The following CHST6 variants were observed in gnomAD, a reference collection of about 807,000 sequenced individuals.
CHST6 encodes the protein carbohydrate sulfotransferase 6.
For missense variants in CHST6, 698 were observed against 586.2 expected (o/e 1.19, Z -1.97); for synonymous variants, 309 against 276.4 (o/e 1.12, Z -1.17).
rs745571211 is a variant in CHST6, at chr16:75,479,200, G to A, written c.629C>T (p.Ser210Phe). Residue 210 changes from serine to phenylalanine, a missense_variant, in exon 3 of 3, where the codon TCC becomes TTC. Transcript: ENST00000332272. ...CAGAGCCTTGGCTGTCTGCTCCCGG[G>A]AGCGCAGCACGGCCCGCGGGTCGCG... is the stretch of plus-strand genomic sequence containing the variant. ...LVRDPRAVLR[S>F]REQTAKALAR... is the part of the protein sequence containing the mutation. 61 of 1,609,106 alleles carry A rather than the reference G, an allele frequency of 3.8e-5. No individual in the cohort carries two copies. Among genetic ancestry groups the A allele is most frequent in the Non-Finnish European group, 5.0e-5 (59 of 1,179,194 alleles).
rs868114571 is a variant in CHST6 at position 75,478,964 on chromosome 16, C to T, written c.865G>A (p.Ala289Thr). Residue 289 changes from alanine to threonine, a missense_variant, in exon 3 of 3, where the codon GCC becomes ACC. Coordinates refer to ENST00000332272, the MANE Select transcript of CHST6 (RefSeq NM_021615.5). ...EPLAEIRALY[A>T]FTGLSLTPQL... ...GGCGTGAGACTGAGCCCAGTGAAGG[C>T]GTAGAGCGCACGGATTTCTGCCAGC... The T allele has an allele frequency of 2.5e-6, 4 of 1,613,002 alleles. No homozygotes were observed. The highest frequency in any genetic ancestry group is 3.4e-6 in the Non-Finnish European group (4 of 1,179,958).
At chr16:75,485,204 C>A (rs934225791) in intron 1 of CHST6, among the ~76,000 whole-genome samples, 3 of 152,122 alleles carry the variant, frequency 2.0e-5, no homozygotes, top group African/African-American at 7.2e-5. Flanking sequence ...GGAGGAGCAC[C>A]CTAAGCAGTG....
At chr16:75,488,789 A>T (rs569080123) in intron 1 of CHST6, among the ~76,000 whole-genome samples, 3 of 150,786 alleles carry the variant, frequency 2.0e-5, no homozygotes, top group African/African-American at 7.4e-5. Flanking sequence ...TGGGAGGCTG[A>T]GGCAGGAGAA....
rs868016920 is a variant in CHST6, at chr16:75,479,773, G to C, written c.56C>G (p.Thr19Ser). ...TAVTALLLAQTFLLLFLVSRP... is the reference protein window; with the variant it reads ...TAVTALLLAQSFLLLFLVSRP... ...GGAAACCAGAAAGAGGAGGAGGAAG[G>C]TCTGCGCCAGGAGGAGCGCGGTCAC... is the stretch of plus-strand genomic sequence containing the variant. The change falls in exon 3 of 3, where the codon ACC (threonine) becomes AGC (serine). Residue 19 changes from threonine to serine, a missense_variant. Thr to Ser is a moderately conservative substitution (Grantham distance 58, BLOSUM62 1). Coordinates refer to ENST00000332272, the MANE Select transcript of CHST6 (RefSeq NM_021615.5). 6.3e-7 allele frequency: 1 copy of C among 1,596,388 alleles called. No individual in the cohort carries two copies. The highest frequency in any genetic ancestry group is 1.3e-5 in the African/African-American group (1 of 74,922).
At chr16:75,488,566 C>T (rs1468121858) in intron 1 of CHST6, among the ~76,000 whole-genome samples, 1 of 151,822 alleles carries the variant, frequency 6.6e-6, no homozygotes, top group Admixed American at 6.6e-5. Flanking sequence ...ACAACTGGGG[C>T]CAAACTGCTC....
In CHST6 at chr16:75,495,040, C is replaced by T. The variant is rs1328116765; in HGVS notation, c.-192G>A. On this transcript the variant is annotated 5_prime_UTR_variant, in exon 1 of 3. Coordinates refer to ENST00000332272, the MANE Select transcript of CHST6 (RefSeq NM_021615.5). ...TCCCAAACGTCGTCTCTTCCAAATT[C>T]CACCGCACAGCCAGCTCTTTCTCTT... is the stretch of plus-strand genomic sequence containing the variant. 6 of 152,584 alleles carry T rather than the reference C, an allele frequency of 3.9e-5. No homozygotes were observed. Among genetic ancestry groups the T allele is most frequent in the Non-Finnish European group, 8.8e-5 (6 of 68,338 alleles). 9.5% of individuals were successfully genotyped at this position (152,584 alleles called of 1,614,324 possible).
In CHST6 at chr16:75,477,192, G is replaced by A. The variant is rs1192844687; in HGVS notation, c.*1449C>T. On this transcript the variant is annotated 3_prime_UTR_variant, in exon 3 of 3. Transcript: ENST00000332272. ...GAGGGACAGATTCAAGTTTCATTTG[G>A]TTGAAGCTTCTAAACCTGGAAGGAA... The A allele has an allele frequency of 6.6e-6, 1 of 152,232 alleles. No individual in the cohort carries two copies. Among genetic ancestry groups the A allele is most frequent in the Non-Finnish European group, 1.5e-5 (1 of 68,046 alleles). The allele number at this position is 152,232 out of a possible 1,614,324, so 9.4% of individuals were successfully genotyped here.
chr16:75,478,722 G>A lies in CHST6; in HGVS notation c.1107C>T (p.Asn369=). 1 of 1,613,578 alleles carries A rather than the reference G, an allele frequency of 6.2e-7. No homozygotes were observed. The highest frequency in any genetic ancestry group is 1.1e-5 in the South Asian group (1 of 91,088). The change falls in exon 3 of 3, where the codon AAC becomes AAT. Residue 369 remains asparagine (N), a synonymous_variant. Transcript: ENST00000332272. ...RPVYSEDEQR[N]LALDLVLPRG... ...GTGGCAGCACCAGATCAAGGGCGAG[G>A]TTGCGCTGCTCGTCCTCAGAGTACA...
At position 75,477,379 on chromosome 16, in the gene CHST6, C is replaced by G. The variant is rs1485600129; in HGVS notation, c.*1262G>C. ...CCACACCCAGGATGAGGATCAGAAG[C>G]TAGTGACCACCAGCATCGCTCCTGG... On this transcript the variant is annotated 3_prime_UTR_variant, in exon 3 of 3. Coordinates refer to ENST00000332272, the MANE Select transcript of CHST6 (RefSeq NM_021615.5). The G allele has an allele frequency of 6.6e-6, 1 of 152,206 alleles. No individual in the cohort carries two copies. The highest frequency in any genetic ancestry group is 1.5e-5 in the Non-Finnish European group (1 of 68,040). The allele number at this position is 152,206 out of a possible 1,614,324, so 9.4% of individuals were successfully genotyped here. A position where few individuals can be genotyped will look rare whatever the true frequency, so the allele number is the denominator to read the frequency against.
In CHST6 at chr16:75,478,262, C is replaced by G. The variant is rs576867743; in HGVS notation, c.*379G>C. The G allele has an allele frequency of 5.7e-4, 205 of 357,970 alleles. 5 individuals carry two copies. The highest frequency in any genetic ancestry group is 4.5e-3 in the South Asian group (185 of 40,840). The allele number at this position is 357,970 out of a possible 1,614,324, so 22.2% of individuals were successfully genotyped here. On this transcript the variant is annotated 3_prime_UTR_variant, in exon 3 of 3. Transcript: ENST00000332272. ...CTCTGGAGCCATTTCACCACAGTGCCTCTCCACTCCCAGCCAGTGCCAGGG... is the reference window on the plus strand; with the variant it reads ...CTCTGGAGCCATTTCACCACAGTGCGTCTCCACTCCCAGCCAGTGCCAGGG...
chr16:75,478,608 C>T lies in CHST6; in HGVS notation c.*33G>A, dbSNP rs376468061. Reference sequence around the variant, plus strand: ...CCCTCTGCACCATGCACTCTCCTCCCGGGCCTAGCGCCTGCTACAACTGTG... The same window carrying T: ...CCCTCTGCACCATGCACTCTCCTCCTGGGCCTAGCGCCTGCTACAACTGTG... On this transcript the variant is annotated 3_prime_UTR_variant, in exon 3 of 3. Coordinates refer to ENST00000332272, the MANE Select transcript of CHST6 (RefSeq NM_021615.5). 8.7e-6 allele frequency: 14 copies of T among 1,608,358 alleles called. No individual in the cohort carries two copies. The highest frequency in any genetic ancestry group is 1.1e-5 in the Non-Finnish European group (13 of 1,175,614).
chr16:75,488,166 C>T (rs2080221117), intron 1 of CHST6, among the ~76,000 whole-genome samples: 1 of 152,094 alleles, frequency 6.6e-6, no homozygotes, highest in Admixed American at 6.6e-5. Context: ...CATCCCTGTT[C>T]GAGAATCCCA....
chr16:75,479,262 G>A lies in CHST6; in HGVS notation c.567C>T (p.Ser189=), dbSNP rs1418379085. 2.5e-6 allele frequency: 4 copies of A among 1,612,572 alleles called. No individual in the cohort carries two copies. Among genetic ancestry groups the A allele is most frequent in the South Asian group, 2.2e-5 (2 of 91,090 alleles). Residue 189 remains serine, a synonymous_variant, in exon 3 of 3, where the codon AGC becomes AGT. Transcript: ENST00000332272. ...FNLQVLYPLL[S]DPALNLRIVH... is the part of the protein sequence containing the mutation. Reference sequence around the variant, plus strand: ...CGATGCGTAGGTTGAGCGCGGGGTCGCTGAGCAGCGGGTAGAGCACCTGCA... The same window carrying A: ...CGATGCGTAGGTTGAGCGCGGGGTCACTGAGCAGCGGGTAGAGCACCTGCA...
Position 75,474,818 on chromosome 16 carries a change from C to CA in CHST6, c.*3822dup. 1 of 395,236 alleles carries CA rather than the reference C, an allele frequency of 2.5e-6. No individual in the cohort carries two copies. Among genetic ancestry groups the CA allele is most frequent in the East Asian group, 3.6e-5 (1 of 27,884 alleles). The allele number at this position is 395,236 out of a possible 1,614,324, so 24.5% of individuals were successfully genotyped here. A position where few individuals can be genotyped will look rare whatever the true frequency, so the allele number is the denominator to read the frequency against. On this transcript the variant is annotated 3_prime_UTR_variant, in exon 3 of 3. Transcript: ENST00000332272. ...GAAATAATGGTGGTTTTTTTTAAGA[C>CA]AGACTCTCGCTTTGTTGCCCAGGCT...
intron 1 of CHST6, among the ~76,000 whole-genome samples, chr16:75,483,724 G>C (rs2080166265): frequency 2.0e-5 from 3 of 152,152 alleles, no homozygotes; most frequent in Admixed American, 2.0e-4. Flanking sequence ...GAAGGGCAGG[G>C]GCTTAAATCC....
At position 75,478,533 on chromosome 16, in the gene CHST6, C is replaced by T. The variant is rs1223722785; in HGVS notation, c.*108G>A. Reference sequence around the variant, plus strand: ...ACTTGGGGAGGGGGAGGGGTCGTACCACAAACTCCTTGGTCAATATAGGGA... The same window carrying T: ...ACTTGGGGAGGGGGAGGGGTCGTACTACAAACTCCTTGGTCAATATAGGGA... On this transcript the variant is annotated 3_prime_UTR_variant, in exon 3 of 3. Transcript: ENST00000332272. 5 of 1,147,340 alleles carry T rather than the reference C, an allele frequency of 4.4e-6. No homozygotes were observed. The highest frequency in any genetic ancestry group is 5.2e-6 in the Non-Finnish European group (4 of 763,696). The allele number at this position is 1,147,340 out of a possible 1,614,324, so 71.1% of individuals were successfully genotyped here.
Position 75,479,447 on chromosome 16 carries a change from C to A in CHST6, c.382G>T (p.Ala128Ser). 1 of 1,612,896 alleles carries A rather than the reference C, an allele frequency of 6.2e-7. No homozygotes were observed. Among genetic ancestry groups the A allele is most frequent in the African/African-American group, 1.3e-5 (1 of 75,042 alleles). Residue 128 changes from alanine (A) to serine (S), a missense_variant, in exon 3 of 3, where the codon GCA (alanine) becomes TCA (serine). Ala to Ser is a moderately conservative substitution (Grantham distance 99, BLOSUM62 1). Transcript: ENST00000332272. ...SDLFQWAVSR[A>S]LCSPPACSAF... ...CTGCAGGCGGGTGGCGAGCACAGTG[C>A]ACGGCTCACGGCCCACTGGAAGAGG...
At chr16:75,487,402 C>A (rs1286222884) in intron 1 of CHST6, among the ~76,000 whole-genome samples, 1 of 152,122 alleles carries the variant, frequency 6.6e-6, no homozygotes, top group Admixed American at 6.6e-5. Flanking sequence ...TGGTGGCTCA[C>A]ACCTGTAATA....
chr16:75,493,791 A>T (rs908406052), intron 1 of CHST6, among the ~76,000 whole-genome samples: 1 of 152,188 alleles, frequency 6.6e-6, no homozygotes, highest in African/African-American at 2.4e-5. Flanking sequence ...AGGCACAGAC[A>T]GGGTCCCCAC....
Sources: allele counts gnomAD v4.1 joint callset (sites outside exome capture counted in the v4.1 genomes callset), GRCh38; gene constraint gnomAD v4.1.1; transcripts MANE v1.5; gene names NCBI Gene and HGNC (gene_info 2026-07-23, HGNC 2026-07-21).